Variants in KLHL3 observed in about 807,000 individuals in gnomAD.
The protein encoded by KLHL3 is kelch like family member 3.
Under a neutral mutation model 70.5 loss-of-function variants are expected in KLHL3, and 19 were observed. That is an observed-to-expected ratio of 0.27 (90% CI 0.19 to 0.40). The LOEUF is 0.40. Among genes scored for constraint, KLHL3 ranks in the 10% least tolerant of loss-of-function variants. KLHL3 has a pLI of 1.00. For synonymous variants in KLHL3, 258 were observed against 290.3 expected (o/e 0.89, Z 1.13); for missense variants, 512 against 771.1 (o/e 0.66, Z 3.98).
At chr5:137,685,917 T>A (rs2349034) in intron 5 of KLHL3, among the ~76,000 whole-genome samples, 85,992 of 152,128 alleles carry the variant, frequency 0.57, 24,881 homozygotes, top group East Asian at 0.93. Flanking sequence ...TCTCTCTGGG[T>A]AGGATTGTGG....
At chr5:137,628,827 T>C (rs141689216) in intron 12 of KLHL3, 3 of 154,938 alleles carry the variant, frequency 1.9e-5, no homozygotes, top group Non-Finnish European at 2.9e-5. Flanking sequence ...CTGAAATAAA[T>C]CCATTAAAAT....
At chr5:137,654,458 C>T (rs1201404349) in intron 8 of KLHL3, among the ~76,000 whole-genome samples, 3 of 152,160 alleles carry the variant, frequency 2.0e-5, no homozygotes, top group Non-Finnish European at 1.5e-5. Context: ...ATGAATAGGA[C>T]AGACCTATTG....
intron 3 of KLHL3, among the ~76,000 whole-genome samples, chr5:137,699,989 G>A (rs1265545477): frequency 2.0e-5 from 3 of 152,188 alleles, no homozygotes; most frequent in Non-Finnish European, 4.4e-5. Context: ...AAGTAGCGGG[G>A]GAGACATTCC....
At chr5:137,645,890 C>T (rs1169270895) in intron 8 of KLHL3, among the ~76,000 whole-genome samples, 1 of 152,120 alleles carries the variant, frequency 6.6e-6, no homozygotes, top group Non-Finnish European at 1.5e-5. Flanking sequence ...TCAAAATATA[C>T]AGCAAAGCTA....
At chr5:137,633,596 A>G (rs1036870342) in intron 12 of KLHL3, among the ~76,000 whole-genome samples, 3 of 152,254 alleles carry the variant, frequency 2.0e-5, no homozygotes, top group Non-Finnish European at 2.9e-5. Flanking sequence ...ATTAAAGAAA[A>G]TATAGTATGT....
rs961632935 is a variant in KLHL3 at position 137,638,952 on chromosome 5, C to A, written c.1219+1G>T. On this transcript the variant is annotated splice_donor_variant, in intron 10 of 14. Coordinates refer to ENST00000309755, the MANE Select transcript of KLHL3 (RefSeq NM_017415.3). LOFTEE classifies it high-confidence loss of function. ...GGGTTGGGAACACACCCTAAACCTACCAGTACTGCCATCAAAGCCTCCCAC... is the reference window on the plus strand; with the variant it reads ...GGGTTGGGAACACACCCTAAACCTAACAGTACTGCCATCAAAGCCTCCCAC... 1 of 1,613,742 alleles carries A rather than the reference C, an allele frequency of 6.2e-7. No homozygotes were observed. The highest frequency in any genetic ancestry group is 1.7e-5 in the Admixed American group (1 of 59,998).
intron 11 of KLHL3, 137 bp downstream of exon 11, chr5:137,637,157 A>G (rs1018129597): frequency 4.8e-6 from 3 of 629,490 alleles, no homozygotes; most frequent in African/African-American, 1.8e-5. Flanking sequence ...CCGCTAAATC[A>G]GGATAATAGT....
intron 8 of KLHL3, among the ~76,000 whole-genome samples, chr5:137,646,228 CACA>C (rs1416900112): frequency 6.6e-6 from 1 of 151,986 alleles, no homozygotes. Context: ...AAATGAAAAT[CACA>C]ACGAGATATC....
At chr5:137,686,717 A>G (rs997231782) in intron 5 of KLHL3, among the ~76,000 whole-genome samples, 3 of 152,224 alleles carry the variant, frequency 2.0e-5, no homozygotes, top group Admixed American at 6.5e-5. Context: ...TCAGGGGTAC[A>G]AGGAAAAAAG....
At chr5:137,653,227 G>T (rs1751253023) in intron 8 of KLHL3, among the ~76,000 whole-genome samples, 1 of 151,878 alleles carries the variant, frequency 6.6e-6, no homozygotes, top group South Asian at 2.1e-4. Context: ...TCCGGCCTGG[G>T]CAACAGAGTA....
At position 137,677,537 on chromosome 5, in the gene KLHL3, T is replaced by C. The variant is rs373700519; in HGVS notation, c.636+8A>G. The C allele has an allele frequency of 1.0e-5, 16 of 1,556,028 alleles. No homozygotes were observed. The African/African-American group carries it at 1.8e-4, about 17-fold the overall frequency. Reference sequence around the variant, plus strand: ...AGGTTCCCGTTTCCCCAGTGAGCCATGTCATACCTTCTCTTCTGAAGAAAC... The same window carrying C: ...AGGTTCCCGTTTCCCCAGTGAGCCACGTCATACCTTCTCTTCTGAAGAAAC... On this transcript the variant is annotated splice_region_variant and intron_variant, in intron 6 of 14. Transcript: ENST00000309755.
chr5:137,689,776 C>T (rs1161571824), intron 5 of KLHL3, among the ~76,000 whole-genome samples: 5 of 152,242 alleles, frequency 3.3e-5, no homozygotes, highest in East Asian at 1.9e-4. Context: ...AATATACAAA[C>T]ATAACAAACC....
intron 4 of KLHL3, 85 bp downstream of exon 4, chr5:137,698,202 G>A: frequency 6.5e-7 from 1 of 1,536,472 alleles, no homozygotes; most frequent in Non-Finnish European, 8.9e-7. Context: ...CAACTGAATT[G>A]TTGTGAGGGT....
chr5:137,618,057 A>G lies in KLHL3; in HGVS notation c.*4041T>C, dbSNP rs1756274921. Reference sequence around the variant, plus strand: ...GGCTATGAGGCTGTAATTATCCACTACAGAAGAAATCTCTTCCATTCCCAA... The same window carrying G: ...GGCTATGAGGCTGTAATTATCCACTGCAGAAGAAATCTCTTCCATTCCCAA... On this transcript the variant is annotated 3_prime_UTR_variant, in exon 15 of 15. Transcript: ENST00000309755. 1 of 152,614 alleles carries G rather than the reference A, an allele frequency of 6.6e-6. No individual in the cohort carries two copies. The highest frequency in any genetic ancestry group is 2.4e-5 in the African/African-American group (1 of 41,434). The allele number at this position is 152,614 out of a possible 1,614,324, so 9.5% of individuals were successfully genotyped here. A position where few individuals can be genotyped will look rare whatever the true frequency, so the allele number is the denominator to read the frequency against.
chr5:137,701,054 T>C (rs2949464), intron 3 of KLHL3, among the ~76,000 whole-genome samples: 120,016 of 151,492 alleles, frequency 0.79, 47,834 homozygotes, highest in East Asian at 0.98. Flanking sequence ...TTTTTCGAGA[T>C]GGAGTTTTGC....
chr5:137,692,683 C>A, intron 4 of KLHL3: 1 of 484,272 alleles, frequency 2.1e-6, no homozygotes. Flanking sequence ...AGTCTTTAAT[C>A]CCTGGGGATC....
In KLHL3 at chr5:137,628,580, C is replaced by T. The variant is rs889174654; in HGVS notation, c.1451-143G>A. Reference sequence around the variant, plus strand: ...TTGTCTCCCTGGACCTCAGTGTCCTCATCTGTAAAACAAATATAATGACAC... The same window carrying T: ...TTGTCTCCCTGGACCTCAGTGTCCTTATCTGTAAAACAAATATAATGACAC... On this transcript the variant is annotated intron_variant, in intron 12 of 14. Transcript: ENST00000309755. 1.2e-5 allele frequency: 9 copies of T among 754,522 alleles called. No homozygotes were observed. In the African/African-American group the frequency reaches 1.4e-4, roughly 12 times the overall value. 46.7% of individuals were successfully genotyped at this position (754,522 alleles called of 1,614,324 possible).
intron 11 of KLHL3, among the ~76,000 whole-genome samples, chr5:137,636,142 T>G (rs1272601877): frequency 6.6e-6 from 1 of 152,130 alleles, no homozygotes; most frequent in Non-Finnish European, 1.5e-5. Flanking sequence ...GAGGACAAAA[T>G]CCTTGCCCTC....
intron 2 of KLHL3, among the ~76,000 whole-genome samples, chr5:137,712,190 C>T (rs1047203675): frequency 2.1e-5 from 3 of 146,154 alleles, no homozygotes; most frequent in South Asian, 2.1e-4. Flanking sequence ...AAAGAGTAAC[C>T]GGTTATATTT....
Sources: gnomAD v4.1 joint callset for allele counts (sites outside exome capture counted in the v4.1 genomes callset) on GRCh38, gnomAD v4.1.1 for gene constraint, MANE v1.5 for transcripts, NCBI Gene and HGNC (gene_info 2026-07-23, HGNC 2026-07-21) for gene names.